Variants in MAGI2 observed in about 807,000 individuals in gnomAD.
MAGI2 encodes membrane associated guanylate kinase, WW and PDZ domain containing 2, also known as membrane-associated guanylate kinase, WW and PDZ domain-containing protein 2.
A neutral mutation model predicts 133.3 loss-of-function variants in MAGI2; 35 were observed. That is an observed-to-expected ratio of 0.26 (90% CI 0.20 to 0.35). The LOEUF is 0.35. MAGI2 is among the 10% of genes least tolerant of loss of function. The pLI, the probability that MAGI2 is intolerant of heterozygous loss-of-function variation, is 1.00. For synonymous variants in MAGI2, 729 were observed against 710.6 expected (o/e 1.03, Z -0.41); for missense variants, 1,636 against 1,863.4 (o/e 0.88, Z 2.25).
At chr7:79,350,312 T>C (rs1841604987) in intron 1 of MAGI2, among the ~76,000 whole-genome samples, 1 of 152,140 alleles carries the variant, frequency 6.6e-6, no homozygotes, top group African/African-American at 2.4e-5. Flanking sequence ...CTGGTAATGA[T>C]ACAACAGTTT....
chr7:78,706,544 A>G (rs1413325170), intron 2 of MAGI2, among the ~76,000 whole-genome samples: 1 of 152,170 alleles, frequency 6.6e-6, no homozygotes, highest in African/African-American at 2.4e-5. Context: ...TTTTATAAAT[A>G]CACACAAAAC....
chr7:78,786,369 T>C (rs763072438), intron 2 of MAGI2, among the ~76,000 whole-genome samples: 25 of 152,208 alleles, frequency 1.6e-4, no homozygotes, highest in Non-Finnish European at 3.1e-4. Context: ...AGTGAATCTG[T>C]TAAAACCTAA....
chr7:78,226,666 T>C (rs1166536159), intron 10 of MAGI2, among the ~76,000 whole-genome samples: 3 of 152,220 alleles, frequency 2.0e-5, no homozygotes, highest in Non-Finnish European at 4.4e-5. Context: ...ATAGCTGCCA[T>C]TGTAAGCTTT....
At chr7:79,256,140 T>C (rs1205693156) in intron 1 of MAGI2, among the ~76,000 whole-genome samples, 1 of 152,230 alleles carries the variant, frequency 6.6e-6, no homozygotes, top group African/African-American at 2.4e-5. Context: ...AGAAAACTAA[T>C]GCTCCCATTT....
At chr7:78,852,026 G>T (rs1158075778) in intron 2 of MAGI2, among the ~76,000 whole-genome samples, 1 of 152,044 alleles carries the variant, frequency 6.6e-6, no homozygotes, top group Non-Finnish European at 1.5e-5. Context: ...AATGCTAATT[G>T]TTCCACATCT....
chr7:78,296,207 A>ATGTT (rs1161606188), intron 9 of MAGI2, among the ~76,000 whole-genome samples: 4 of 152,174 alleles, frequency 2.6e-5, no homozygotes, highest in Admixed American at 2.6e-4. Context: ...ATTACTCATC[A>ATGTT]TGTTTAGAAT....
Position 79,285,836 on chromosome 7 carries a change from T to G in MAGI2, c.301+167184A>C, listed in dbSNP as rs79530161. Among the ~76,000 whole-genome samples, 255 of 152,208 alleles carry G rather than the reference T, an allele frequency of 1.7e-3. 9 individuals carry two copies. The East Asian group carries it at 0.037, about 22-fold the overall frequency. ...TCTTTAAAGTATTCAACCTGGGGTT[T>G]TGTAACCACAGGAGTTATTCAGAGA... is the stretch of plus-strand genomic sequence containing the variant. On this transcript the variant is annotated intron_variant, in intron 1 of 21. Coordinates refer to ENST00000354212, the MANE Select transcript of MAGI2 (RefSeq NM_012301.4).
intron 2 of MAGI2, among the ~76,000 whole-genome samples, chr7:78,918,415 A>G (rs2151629057): frequency 6.6e-6 from 1 of 152,336 alleles, no homozygotes. Context: ...AAATGATCTC[A>G]ACATATTTGA....
chr7:78,370,614 T>TA (rs34278805), intron 6 of MAGI2, among the ~76,000 whole-genome samples: 73,829 of 151,550 alleles, frequency 0.49, 18,609 homozygotes, highest in Middle Eastern at 0.59. Context: ...TCCCAACTCA[T>TA]AAAAAAGTAC....
intron 7 of MAGI2, among the ~76,000 whole-genome samples, chr7:78,352,345 A>C (rs948683025): frequency 6.6e-6 from 1 of 152,344 alleles, no homozygotes; most frequent in East Asian, 1.9e-4. Context: ...ATTAAAGCCT[A>C]ATGTTTTAAA....
At chr7:79,138,864 G>A (rs1396557097) in intron 1 of MAGI2, among the ~76,000 whole-genome samples, 3 of 151,738 alleles carry the variant, frequency 2.0e-5, no homozygotes, top group African/African-American at 4.8e-5. Flanking sequence ...AAATTAGCCG[G>A]GTGTGGTGGT....
intron 3 of MAGI2, among the ~76,000 whole-genome samples, chr7:78,578,785 A>G (rs140556752): frequency 6.6e-6 from 1 of 152,294 alleles, no homozygotes; most frequent in East Asian, 1.9e-4. Flanking sequence ...ACCACTGTTC[A>G]TGACTCTCAG....
chr7:79,339,498 T>C (rs1840732821), intron 1 of MAGI2, among the ~76,000 whole-genome samples: 1 of 151,392 alleles, frequency 6.6e-6, no homozygotes, highest in African/African-American at 2.4e-5. Flanking sequence ...CTAAAATTTG[T>C]CCTGCATTAC....
At chr7:79,094,479 C>A (rs1026599221) in intron 1 of MAGI2, among the ~76,000 whole-genome samples, 1 of 152,202 alleles carries the variant, frequency 6.6e-6, no homozygotes, top group Non-Finnish European at 1.5e-5. Flanking sequence ...ATATTTGGAG[C>A]TCCTCCCATG....
chr7:78,731,479 C>G (rs1821363712), intron 2 of MAGI2, among the ~76,000 whole-genome samples: 1 of 152,222 alleles, frequency 6.6e-6, no homozygotes, highest in African/African-American at 2.4e-5. Context: ...AATATTTGCA[C>G]AAAATTGACC....
chr7:78,183,872 T>C (rs1827433589), intron 13 of MAGI2, among the ~76,000 whole-genome samples: 1 of 152,256 alleles, frequency 6.6e-6, no homozygotes, highest in South Asian at 2.1e-4. Context: ...AAGCAAGATA[T>C]ATTTATTTTA....
intron 2 of MAGI2, among the ~76,000 whole-genome samples, chr7:78,918,588 A>G (rs927057979): frequency 6.6e-6 from 1 of 152,178 alleles, no homozygotes; most frequent in African/African-American, 2.4e-5. Context: ...GGCCTTAGAT[A>G]AAATAGAGAA....
intron 1 of MAGI2, among the ~76,000 whole-genome samples, chr7:79,400,787 G>A (rs1845413514): frequency 6.6e-6 from 1 of 151,934 alleles, no homozygotes; most frequent in Non-Finnish European, 1.5e-5. Flanking sequence ...TAGTTATGTG[G>A]TATGTCCTAC....
intron 9 of MAGI2, among the ~76,000 whole-genome samples, chr7:78,292,974 A>G (rs1796870924): frequency 6.6e-6 from 1 of 152,240 alleles, no homozygotes; most frequent in Admixed American, 6.5e-5. Context: ...CTAAAACCAT[A>G]GAAACCCTAG....
Sources: gnomAD v4.1 joint callset for allele counts (sites outside exome capture counted in the v4.1 genomes callset) on GRCh38, gnomAD v4.1.1 for gene constraint, MANE v1.5 for transcripts, NCBI Gene and HGNC (gene_info 2026-07-23, HGNC 2026-07-21) for gene names.